The following DNAJB6 variants were observed in gnomAD, a reference collection of about 807,000 sequenced individuals.
DNAJB6 encodes the protein DnaJ heat shock protein family (Hsp40) member B6.
Under a neutral mutation model 42.7 loss-of-function variants are expected in DNAJB6, and 16 were observed. That is an observed-to-expected ratio of 0.37 (90% confidence interval 0.25 to 0.57). DNAJB6 has a LOEUF of 0.57. Among genes scored for constraint, DNAJB6 ranks in the 20% least tolerant of loss-of-function variants. The pLI, the probability that DNAJB6 is intolerant of heterozygous loss-of-function variation, is 0.74. For missense variants in DNAJB6, 347 were observed against 416.8 expected (o/e 0.83, Z 1.46); for synonymous variants, 170 against 163.5 (o/e 1.04, Z -0.30).
chr7:157,392,356 T>G (rs961526930), intron 8 of DNAJB6, among the ~76,000 whole-genome samples: 18 of 141,044 alleles, frequency 1.3e-4, no homozygotes, highest in Non-Finnish European at 2.2e-4. Flanking sequence ...GTGTTGAAAG[T>G]GGGTTTTTTT....
chr7:157,370,048 G>GC (rs1563128851), intron 5 of DNAJB6, among the ~76,000 whole-genome samples: 35 of 142,150 alleles, frequency 2.5e-4, no homozygotes, highest in African/African-American at 8.4e-4. Flanking sequence ...TATTAAACAG[G>GC]TCTTTCATAA....
At chr7:157,341,527 AC>A (rs1383445475) in intron 1 of DNAJB6, among the ~76,000 whole-genome samples, 3 of 152,114 alleles carry the variant, frequency 2.0e-5, no homozygotes, top group South Asian at 2.1e-4. Flanking sequence ...TTTTCTACTT[AC>A]CTTTTGCCAC....
chr7:157,369,245 C>T, intron 5 of DNAJB6: 1 of 456,514 alleles, frequency 2.2e-6, no homozygotes, highest in Non-Finnish European at 4.4e-6. Flanking sequence ...TTCATCAACC[C>T]TCACAGGCAA....
At chr7:157,408,775 T>C (rs757625) in intron 8 of DNAJB6, among the ~76,000 whole-genome samples, 102,262 of 152,206 alleles carry the variant, frequency 0.67, 34,492 homozygotes, top group Admixed American at 0.75. Flanking sequence ...GGGTTTCAGA[T>C]GCATTTCAAT....
chr7:157,399,690 A>T (rs1801757176), intron 8 of DNAJB6, among the ~76,000 whole-genome samples: 1 of 151,168 alleles, frequency 6.6e-6, no homozygotes. Flanking sequence ...TTTTTTGGAG[A>T]TGGAGTCTCG....
At chr7:157,412,160 A>G (rs1424584024) in intron 9 of DNAJB6, 2 of 152,212 alleles carry the variant, frequency 1.3e-5, no homozygotes, top group African/African-American at 4.8e-5. Context: ...CTGAGAGATG[A>G]CAAAGCTGAC....
intron 2 of DNAJB6, among the ~76,000 whole-genome samples, chr7:157,361,621 G>A (rs985584345): frequency 4.6e-5 from 7 of 152,204 alleles, no homozygotes; most frequent in Admixed American, 1.3e-4. Flanking sequence ...AGTGTTAAAA[G>A]CACTGTCAGA....
rs1455243200 is a variant in DNAJB6 at position 157,417,147 on chromosome 7, A to G, written c.*1049A>G. ...CCTTTGTCCTCTTGGACTTGAGGGC[A>G]TTGTGAAAAGCTTTGCTGTGATTTA... is the stretch of plus-strand genomic sequence containing the variant. On this transcript the variant is annotated 3_prime_UTR_variant, in exon 10 of 10. Coordinates refer to ENST00000262177, the MANE Select transcript of DNAJB6 (RefSeq NM_058246.4). 1.3e-5 allele frequency: 2 copies of G among 152,158 alleles called. No homozygotes were observed. Among genetic ancestry groups the G allele is most frequent in the Non-Finnish European group, 2.9e-5 (2 of 68,036 alleles). 9.4% of individuals were successfully genotyped at this position (152,158 alleles called of 1,614,324 possible). A position where few individuals can be genotyped will look rare whatever the true frequency, so the allele number is the denominator to read the frequency against.
At chr7:157,354,266 G>A (rs936664663) in intron 1 of DNAJB6, among the ~76,000 whole-genome samples, 4 of 152,032 alleles carry the variant, frequency 2.6e-5, no homozygotes, top group Admixed American at 2.0e-4. Context: ...TCCTGCCTCA[G>A]CCTCTTGAGT....
chr7:157,344,674 G>C (rs1798594493), intron 1 of DNAJB6, among the ~76,000 whole-genome samples: 1 of 152,096 alleles, frequency 6.6e-6, no homozygotes, highest in Admixed American at 6.6e-5. Context: ...GAGGGCATTG[G>C]TGCGTTCACG....
chr7:157,382,014 G>T, intron 5 of DNAJB6: 5 of 357,008 alleles, frequency 1.4e-5, no homozygotes, highest in East Asian at 5.4e-5. Flanking sequence ...AATTAAGTCT[G>T]GTAATTTATT....
intron 5 of DNAJB6, among the ~76,000 whole-genome samples, chr7:157,371,976 G>A (rs1016301688): frequency 6.6e-6 from 1 of 152,214 alleles, no homozygotes; most frequent in Admixed American, 6.5e-5. Flanking sequence ...CCTTTGTAAA[G>A]CATCACTGTG....
chr7:157,339,792 AT>A (rs1798259501), intron 1 of DNAJB6: 2 of 151,826 alleles, frequency 1.3e-5, no homozygotes, highest in African/African-American at 4.8e-5. Flanking sequence ...CGCCCAGCTA[AT>A]TTTTTCTATT....
chr7:157,338,349 T>C (rs1033109496), intron 1 of DNAJB6, among the ~76,000 whole-genome samples: 5 of 151,964 alleles, frequency 3.3e-5, no homozygotes, highest in African/African-American at 4.8e-5. Context: ...TTTTTTTTTT[T>C]CCTGAGACGG....
At chr7:157,404,442 A>T (rs1305213055) in intron 8 of DNAJB6, among the ~76,000 whole-genome samples, 23 of 146,240 alleles carry the variant, frequency 1.6e-4, no homozygotes, top group Admixed American at 1.6e-3. Flanking sequence ...TAGGCGTGCA[A>T]CAGCGCACTG....
intron 8 of DNAJB6, among the ~76,000 whole-genome samples, chr7:157,401,607 A>C (rs1795520252): frequency 6.6e-6 from 1 of 152,362 alleles, no homozygotes; most frequent in Non-Finnish European, 1.5e-5. Context: ...ATTTGAAGTC[A>C]TGACATCTGT....
chr7:157,392,315 T>C (rs953734093), intron 8 of DNAJB6, among the ~76,000 whole-genome samples: 2 of 151,966 alleles, frequency 1.3e-5, no homozygotes, highest in African/African-American at 4.8e-5. Flanking sequence ...AGGAGCCCTT[T>C]ACATGCTAGT....
intron 6 of DNAJB6, among the ~76,000 whole-genome samples, chr7:157,384,515 A>G (rs748902890): frequency 7.9e-5 from 12 of 152,190 alleles, no homozygotes; most frequent in Non-Finnish European, 1.5e-4. Flanking sequence ...CAGAATGTTC[A>G]CATTAACACA....
chr7:157,343,270 C>T (rs1252792407), intron 1 of DNAJB6, among the ~76,000 whole-genome samples: 1 of 151,976 alleles, frequency 6.6e-6, no homozygotes, highest in African/African-American at 2.4e-5. Context: ...AGCAATTCTC[C>T]TGCCTCAGGC....
Sources: gnomAD v4.1 joint callset for allele counts (sites outside exome capture counted in the v4.1 genomes callset) on GRCh38, gnomAD v4.1.1 for gene constraint, MANE v1.5 for transcripts, NCBI Gene and HGNC (gene_info 2026-07-23, HGNC 2026-07-21) for gene names.